The following GRAMD1C variants were observed in gnomAD, a reference collection of about 807,000 sequenced individuals.
The protein encoded by GRAMD1C is GRAM domain containing 1C.
Under a neutral mutation model 97.8 loss-of-function variants are expected in GRAMD1C, and 89 were observed. The ratio of observed to expected loss-of-function variants is 0.91; its 90% confidence interval spans 0.77 to 1.09. The LOEUF (loss-of-function observed/expected upper bound fraction) is 1.09. Among genes scored for constraint, GRAMD1C ranks in the 50% least tolerant of loss-of-function variants. GRAMD1C has a pLI of 0.00. For missense variants in GRAMD1C, 740 were observed against 766.4 expected, an observed-to-expected ratio of 0.97 and a Z score of 0.41; for synonymous variants, 256 against 267.0, an observed-to-expected ratio of 0.96 and a Z score of 0.40.
At chr3:113,884,785 G>A (rs1478487707) in intron 6 of GRAMD1C, among the ~76,000 whole-genome samples, 1 of 151,740 alleles carries the variant, frequency 6.6e-6, no homozygotes, top group Non-Finnish European at 1.5e-5. Context: ...CTTGCAGCGA[G>A]CTGAGATCAC....
At chr3:113,858,442 T>G (rs1934239027) in intron 2 of GRAMD1C, among the ~76,000 whole-genome samples, 1 of 140,988 alleles carries the variant, frequency 7.1e-6, no homozygotes, top group Non-Finnish European at 1.5e-5. Flanking sequence ...GTTGCCAGGC[T>G]GGAGTGCAGT....
At chr3:113,884,851 A>G (rs995483533) in intron 6 of GRAMD1C, among the ~76,000 whole-genome samples, 2 of 150,958 alleles carry the variant, frequency 1.3e-5, no homozygotes, top group Non-Finnish European at 3.0e-5. Context: ...AAAAGAAAAA[A>G]AAAAAGAAAA....
At chr3:113,910,807 A>G (rs1033672929) in intron 9 of GRAMD1C, among the ~76,000 whole-genome samples, 5 of 152,092 alleles carry the variant, frequency 3.3e-5, no homozygotes, top group African/African-American at 4.8e-5. Flanking sequence ...CTCCTCCCCA[A>G]CTGGAGGGAC....
intron 6 of GRAMD1C, chr3:113,890,956 G>A (rs1189194410): frequency 8.0e-6 from 4 of 501,034 alleles, no homozygotes; most frequent in Admixed American, 7.3e-5. Flanking sequence ...TTTACTGGCT[G>A]GAAGTAAAAT....
At chr3:113,885,243 C>T (rs1935424713) in intron 6 of GRAMD1C, 7 of 1,071,172 alleles carry the variant, frequency 6.5e-6, no homozygotes, top group Non-Finnish European at 9.7e-6. Flanking sequence ...CCCCGGGGGG[C>T]TGGCGGAGCT....
At chr3:113,936,503 G>A (rs1937581528) in intron 14 of GRAMD1C, 61 bp downstream of exon 14, 1 of 1,064,568 alleles carries the variant, frequency 9.4e-7, no homozygotes, top group Admixed American at 2.2e-5. Context: ...GAAGCAGAAT[G>A]TGCCTCTTGT....
chr3:113,911,929 A>G (rs1349916695), intron 9 of GRAMD1C, among the ~76,000 whole-genome samples: 1 of 151,916 alleles, frequency 6.6e-6, no homozygotes, highest in Non-Finnish European at 1.5e-5. Flanking sequence ...GGGTTTCACC[A>G]TGTTAGCCAG....
chr3:113,880,846 C>G (rs1935231375), intron 5 of GRAMD1C, among the ~76,000 whole-genome samples: 1 of 152,182 alleles, frequency 6.6e-6, no homozygotes, highest in Non-Finnish European at 1.5e-5. Context: ...ACAGTACTAA[C>G]AACAGGTGAT....
intron 10 of GRAMD1C, among the ~76,000 whole-genome samples, chr3:113,920,571 C>T (rs1483093387): frequency 6.6e-6 from 1 of 151,996 alleles, no homozygotes; most frequent in Non-Finnish European, 1.5e-5. Context: ...GAGGTAGTCA[C>T]ACTCTGGTTG....
chr3:113,883,487 G>A (rs1309504039), intron 6 of GRAMD1C, among the ~76,000 whole-genome samples: 1 of 150,788 alleles, frequency 6.6e-6, no homozygotes, highest in Non-Finnish European at 1.5e-5. Context: ...ATCGTGCCAC[G>A]GCACTCCAGC....
At chr3:113,939,018 G>C (rs1284167067) in intron 15 of GRAMD1C, 1 of 151,998 alleles carries the variant, frequency 6.6e-6, no homozygotes, top group Non-Finnish European at 1.5e-5. Context: ...GTGTTCTTTT[G>C]CATTACTTTA....
rs558023120 is a variant in GRAMD1C, at chr3:113,890,550, T to C, written c.540+7718T>C. The stretch of plus-strand genomic sequence containing the variant: ...ACTTTCAGATTCATTGTCATTACCG[T>C]GGGGTGCTCTATTCTAGCACTGGCT... On this transcript the variant is annotated intron_variant, in intron 6 of 17. Coordinates refer to ENST00000358160, the MANE Select transcript of GRAMD1C (RefSeq NM_017577.5). 3 of 522,672 alleles carry C rather than the reference T, an allele frequency of 5.7e-6. No individual in the cohort carries two copies. The African/African-American group carries it at 5.8e-5, about 10-fold the overall frequency. 32.4% of individuals were successfully genotyped at this position (522,672 alleles called of 1,614,324 possible). A position where few individuals can be genotyped will look rare whatever the true frequency, so the allele number is the denominator to read the frequency against.
At chr3:113,920,141 T>G (rs1936985336) in intron 10 of GRAMD1C, 5 of 1,416,932 alleles carry the variant, frequency 3.5e-6, no homozygotes, top group Non-Finnish European at 4.9e-6. Flanking sequence ...GAGAAAAAAC[T>G]TTCACCAGTG....
chr3:113,852,167 ATGT>A (rs1380157464), intron 2 of GRAMD1C, among the ~76,000 whole-genome samples: 1 of 152,132 alleles, frequency 6.6e-6, no homozygotes, highest in Non-Finnish European at 1.5e-5. Context: ...GGATTAATTA[ATGT>A]TGTACTATTA....
chr3:113,841,856 C>G (rs1385605104), intron 1 of GRAMD1C, among the ~76,000 whole-genome samples: 1 of 152,062 alleles, frequency 6.6e-6, no homozygotes, highest in African/African-American at 2.4e-5. Context: ...TACCACTATG[C>G]CAGGCTAATC....
In GRAMD1C at chr3:113,925,474, A is replaced by AAAACAAACAAAC. The variant is rs146296542; in HGVS notation, c.1091-5220_1091-5209dup. On this transcript the variant is annotated intron_variant, in intron 10 of 17. Transcript: ENST00000358160. The stretch of plus-strand genomic sequence containing the variant: ...GTGACAGAGCAAGACTGTGTCTCAA[A>AAAACAAACAAAC]AAACAAACAAACAAACAAACAAACA... Among the ~76,000 whole-genome samples, 644 of 150,768 alleles carry AAAACAAACAAAC rather than the reference A, an allele frequency of 4.3e-3. 7 individuals carry two copies. Among genetic ancestry groups the AAAACAAACAAAC allele is most frequent in the African/African-American group, 0.014 (585 of 40,924 alleles).
At chr3:113,877,182 AC>A (rs1177299763) in intron 5 of GRAMD1C, among the ~76,000 whole-genome samples, 1 of 152,184 alleles carries the variant, frequency 6.6e-6, no homozygotes, top group Non-Finnish European at 1.5e-5. Flanking sequence ...CCTATAGAAC[AC>A]TTGCAAATGC....
chr3:113,842,276 A>C (rs1160028240), intron 1 of GRAMD1C, among the ~76,000 whole-genome samples: 1 of 152,236 alleles, frequency 6.6e-6, no homozygotes, highest in Admixed American at 6.5e-5. Flanking sequence ...TTTGAGACCC[A>C]ATATTGATTA....
intron 12 of GRAMD1C, 124 bp downstream of exon 12, chr3:113,933,777 CAG>C (rs1937524228): frequency 3.0e-6 from 2 of 676,016 alleles, no homozygotes; most frequent in Admixed American, 2.8e-5. Context: ...ACATTTCCAA[CAG>C]GGGTGAGCAG....
Sources: allele counts gnomAD v4.1 joint callset (sites outside exome capture counted in the v4.1 genomes callset), GRCh38; gene constraint gnomAD v4.1.1; transcripts MANE v1.5; gene names NCBI Gene and HGNC (gene_info 2026-07-23, HGNC 2026-07-21).